The following LANCL1 variants were observed in gnomAD, a reference collection of about 807,000 sequenced individuals.
The protein encoded by LANCL1 is LanC like glutathione S-transferase 1, also known as glutathione S-transferase LANCL1.
In LANCL1, 50 loss-of-function variants were observed where a neutral mutation model predicts 50.6. That is an observed-to-expected ratio of 0.99 (90% CI 0.79 to 1.25). The LOEUF is 1.25. Ranked by LOEUF, LANCL1 falls within the 50% of genes most tolerant of loss-of-function variation. LANCL1 has a pLI of 0.00. For synonymous variants in LANCL1, 188 were observed against 178.6 expected, an observed-to-expected ratio of 1.05 and a Z score of -0.42; for missense variants, 532 against 480.7, an observed-to-expected ratio of 1.11 and a Z score of -1.00.
Position 210,441,438 on chromosome 2 carries a change from A to T in LANCL1, c.413T>A (p.Ile138Asn). The change falls in exon 5 of 10, where the codon ATT becomes AAT. Residue 138 changes from isoleucine (I) to asparagine (N), a missense_variant. Transcript: ENST00000450366. ...KQAEDCITRL[I>N]HLNKIDPHAP... ...ATGAGGATCAATCTTATTTAGGTGA[A>T]TTAGCCTAAAAATAAAAATACATGC... 6.2e-7 allele frequency: 1 copy of T among 1,604,888 alleles called. No individual in the cohort carries two copies. The highest frequency in any genetic ancestry group is 8.5e-7 in the Non-Finnish European group (1 of 1,174,532).
At chr2:210,453,806 C>T (rs896769136) in intron 4 of LANCL1, among the ~76,000 whole-genome samples, 1 of 152,080 alleles carries the variant, frequency 6.6e-6, no homozygotes, top group Non-Finnish European at 1.5e-5. Flanking sequence ...AAGTCTTATG[C>T]AAGTCAGCTA....
At chr2:210,470,630 G>A (rs541139449) in intron 3 of LANCL1, among the ~76,000 whole-genome samples, 1 of 152,232 alleles carries the variant, frequency 6.6e-6, no homozygotes. Flanking sequence ...TCAAATTTTG[G>A]AGCATTTTGG....
intron 3 of LANCL1, among the ~76,000 whole-genome samples, chr2:210,460,122 C>T (rs567327480): frequency 3.4e-4 from 51 of 152,226 alleles, no homozygotes; most frequent in African/African-American, 1.2e-3. Context: ...TACTTTTCTG[C>T]GATTTTGCAT....
intron 4 of LANCL1, among the ~76,000 whole-genome samples, chr2:210,452,970 T>A (rs1443655422): frequency 6.6e-6 from 1 of 152,160 alleles, no homozygotes; most frequent in East Asian, 1.9e-4. Flanking sequence ...TAATTTTGGA[T>A]TTCTTGAAAT....
intron 3 of LANCL1, among the ~76,000 whole-genome samples, chr2:210,458,621 C>G (rs964576541): frequency 1.3e-5 from 2 of 152,016 alleles, no homozygotes; most frequent in Non-Finnish European, 2.9e-5. Context: ...ATCAGCAGAA[C>G]CTGGTGGGGG....
At chr2:210,463,552 A>G (rs1269920324) in intron 3 of LANCL1, among the ~76,000 whole-genome samples, 1 of 152,372 alleles carries the variant, frequency 6.6e-6, no homozygotes, top group East Asian at 1.9e-4. Flanking sequence ...CCTGTCCTCC[A>G]ACAGTCAAAT....
At position 210,434,433 on chromosome 2, in the gene LANCL1, G is replaced by T; in HGVS notation, c.*54C>A. The T allele has an allele frequency of 7.2e-7, 1 of 1,395,470 alleles. No homozygotes were observed. The highest frequency in any genetic ancestry group is 1.0e-6 in the Non-Finnish European group (1 of 994,208). The allele number at this position is 1,395,470 out of a possible 1,614,324, so 86.4% of individuals were successfully genotyped here. On this transcript the variant is annotated 3_prime_UTR_variant, in exon 10 of 10. Coordinates refer to ENST00000450366, the MANE Select transcript of LANCL1 (RefSeq NM_006055.3). ...AAAGCAACGGAAGCACTTAGCTTGG[G>T]TTTGAATATACAGAAAGGGTCATGC... is the stretch of plus-strand genomic sequence containing the variant.
chr2:210,455,156 G>C lies in LANCL1; in HGVS notation c.358C>G (p.Leu120Val). The change falls in exon 4 of 10, where the codon CTA (leucine) becomes GTA (valine). Residue 120 changes from leucine (L) to valine (V), a missense_variant. Leu to Val is a conservative substitution (Grantham distance 32). Transcript: ENST00000450366. Reference protein sequence around the residue: ...DAGPLAVAAVLYHKMNNEKQA... With the variant: ...DAGPLAVAAVVYHKMNNEKQA... Reference sequence around the variant, plus strand: ...TTCTCATTGTTCATCTTGTGATATAGCACAGCGGCCACTGCCAGGGGGCCT... The same window carrying C: ...TTCTCATTGTTCATCTTGTGATATACCACAGCGGCCACTGCCAGGGGGCCT... 1 of 1,613,682 alleles carries C rather than the reference G, an allele frequency of 6.2e-7. No individual in the cohort carries two copies. Among genetic ancestry groups the C allele is most frequent in the Non-Finnish European group, 8.5e-7 (1 of 1,179,736 alleles).
At chr2:210,466,135 T>C (rs115196735) in intron 3 of LANCL1, among the ~76,000 whole-genome samples, 380 of 152,272 alleles carry the variant, frequency 2.5e-3, no homozygotes, top group Non-Finnish European at 4.0e-3. Context: ...TAGGGAAATA[T>C]CTTGCCAGTA....
intron 4 of LANCL1, among the ~76,000 whole-genome samples, chr2:210,443,249 T>C (rs915349197): frequency 6.6e-6 from 1 of 152,158 alleles, no homozygotes; most frequent in Non-Finnish European, 1.5e-5. Context: ...TGTTCCCTTT[T>C]TGGGGGGAGG....
At chr2:210,476,537 T>C in intron 1 of LANCL1, 83 bp downstream of exon 1, 1 of 1,409,624 alleles carries the variant, frequency 7.1e-7, no homozygotes. Flanking sequence ...GTCTCGGCGG[T>C]CCGAGTGGAC....
chr2:210,454,681 T>C (rs1487167241), intron 4 of LANCL1, among the ~76,000 whole-genome samples: 1 of 152,162 alleles, frequency 6.6e-6, no homozygotes, highest in Non-Finnish European at 1.5e-5. Flanking sequence ...CACCATAATT[T>C]ATACCAAAAT....
At chr2:210,443,986 A>C (rs1260673255) in intron 4 of LANCL1, among the ~76,000 whole-genome samples, 1 of 152,184 alleles carries the variant, frequency 6.6e-6, no homozygotes, top group African/African-American at 2.4e-5. Flanking sequence ...GGGCAATGTG[A>C]CTTTCTCTGA....
chr2:210,464,371 T>A (rs1373395830), intron 3 of LANCL1, among the ~76,000 whole-genome samples: 1 of 152,054 alleles, frequency 6.6e-6, no homozygotes, highest in East Asian at 1.9e-4. Context: ...AAAAGATAGA[T>A]GGGGAAAAAA....
At chr2:210,460,653 T>C (rs1461295098) in intron 3 of LANCL1, 2 of 152,220 alleles carry the variant, frequency 1.3e-5, no homozygotes, top group Non-Finnish European at 2.9e-5. Flanking sequence ...TTTAGAGCAC[T>C]GTTGTTACTG....
chr2:210,477,526 T>C, upstream of LANCL1: 1 of 1,305,976 alleles, frequency 7.7e-7, no homozygotes, highest in Non-Finnish European at 9.7e-7. Context: ...CTCTCTCCTT[T>C]TCCTTCTCTC....
intron 3 of LANCL1, chr2:210,468,141 T>C (rs1302571877): frequency 6.6e-6 from 1 of 151,582 alleles, no homozygotes; most frequent in Non-Finnish European, 1.5e-5. Flanking sequence ...ATTCCTATAA[T>C]ACTTACTTTC....
chr2:210,439,953 G>A (rs376442396), intron 6 of LANCL1, among the ~76,000 whole-genome samples: 54 of 152,230 alleles, frequency 3.5e-4, no homozygotes, highest in African/African-American at 1.3e-3. Flanking sequence ...GGAGAGCTTC[G>A]TAAGTCTCCC....
chr2:210,439,700 T>A lies in LANCL1; in HGVS notation c.690+898A>T, dbSNP rs1489581591. Among the ~76,000 whole-genome samples the A allele has an allele frequency of 5.3e-5, 8 of 152,226 alleles. No homozygotes were observed. In the East Asian group the frequency reaches 1.3e-3, roughly 26 times the overall value. On this transcript the variant is annotated intron_variant, in intron 6 of 9. Transcript: ENST00000450366. ...ATAATAATAATCTTGAGTTTTTCAGTTCTGTTGTCCTTGTTTATTTATAGG... is the reference window on the plus strand; with the variant it reads ...ATAATAATAATCTTGAGTTTTTCAGATCTGTTGTCCTTGTTTATTTATAGG...
Sources: allele counts gnomAD v4.1 joint callset (sites outside exome capture counted in the v4.1 genomes callset), GRCh38; gene constraint gnomAD v4.1.1; transcripts MANE v1.5; gene names NCBI Gene and HGNC (gene_info 2026-07-23, HGNC 2026-07-21).